Variants in XKR3 observed in about 807,000 individuals in gnomAD.
XKR3 encodes the protein XK-related protein 3.
XKR3 carries 27 observed loss-of-function variants against 40.3 expected under a neutral mutation model. The ratio of observed to expected loss-of-function variants is 0.67; its 90% CI spans 0.49 to 0.92. The LOEUF is 0.92. Ranked by LOEUF, XKR3 falls within the 40% of genes least tolerant of loss-of-function variation. The pLI is 0.00. For synonymous variants in XKR3, 193 were observed against 195.4 expected (o/e 0.99, Z 0.10); for missense variants, 472 against 537.6 (o/e 0.88, Z 1.21).
chr22:16,824,973 T>A (rs977459969), intron 1 of XKR3, among the ~76,000 whole-genome samples: 5 of 152,240 alleles, frequency 3.3e-5, no homozygotes, highest in African/African-American at 9.6e-5. Context: ...CATCACTGCA[T>A]CTGAATAACA....
chr22:16,823,555 A>T (rs1375396436), intron 1 of XKR3, among the ~76,000 whole-genome samples: 1 of 152,222 alleles, frequency 6.6e-6, no homozygotes, highest in Non-Finnish European at 1.5e-5. Context: ...TAAACACCTT[A>T]CTTTTGATCT....
At position 16,783,766 on chromosome 22, in the gene XKR3, T is replaced by A; in HGVS notation, c.1233A>T (p.Gly411=). The change falls in exon 4 of 4, where the codon GGA becomes GGT. Residue 411 remains glycine, a synonymous_variant. Coordinates refer to ENST00000684488, the MANE Select transcript of XKR3 (RefSeq NM_001386955.1). ...GTGCTTCTGGCTGATTTTCAGTACG[T>A]CCTGGCAACACTTTGCCTGACTGCC... is the stretch of plus-strand genomic sequence containing the variant. ...YPWQSGKVLP[G]RTENQPEAPY... 6.2e-7 allele frequency: 1 copy of A among 1,614,206 alleles called. No homozygotes were observed. The highest frequency in any genetic ancestry group is 1.1e-5 in the South Asian group (1 of 91,084).
At chr22:16,793,443 A>G (rs1384227700) in intron 3 of XKR3, among the ~76,000 whole-genome samples, 8 of 152,266 alleles carry the variant, frequency 5.3e-5, no homozygotes, top group Non-Finnish European at 7.3e-5. Context: ...ATTCCAGTAC[A>G]CGGGTTAAGA....
At chr22:16,786,586 G>A (rs1199758269) in intron 3 of XKR3, among the ~76,000 whole-genome samples, 1 of 152,312 alleles carries the variant, frequency 6.6e-6, no homozygotes, top group East Asian at 1.9e-4. Context: ...AGTGCATCCA[G>A]TGCTCTACTG....
chr22:16,784,254 G>A lies in XKR3; in HGVS notation c.745C>T (p.Arg249Cys), dbSNP rs1430750371. 3 of 1,614,098 alleles carry A rather than the reference G, an allele frequency of 1.9e-6. No individual in the cohort carries two copies. The highest frequency in any genetic ancestry group is 8.5e-7 in the Non-Finnish European group (1 of 1,180,022). ...ATGAAAAATGCCAGAGTCACTACAC[G>A]TGAGATAACCTCCAAAAAACGCCAC... Reference protein sequence around the residue: ...VMWRFLEVISRVVTLAFFIAS... With the variant: ...VMWRFLEVISCVVTLAFFIAS... Residue 249 changes from arginine to cysteine, a missense_variant, in exon 4 of 4, where the codon CGT becomes TGT. Transcript: ENST00000684488.
At chr22:16,806,792 T>A (rs566304146) in intron 2 of XKR3, among the ~76,000 whole-genome samples, 102 of 152,088 alleles carry the variant, frequency 6.7e-4, no homozygotes, top group African/African-American at 2.3e-3. Flanking sequence ...AAAAGTAAAA[T>A]GAAAATATAC....
chr22:16,791,740 GGAGA>G (rs148780863), intron 3 of XKR3, among the ~76,000 whole-genome samples: 2 of 128,788 alleles, frequency 1.6e-5, no homozygotes, highest in African/African-American at 3.0e-5. Flanking sequence ...GGAGAAAGAG[GGAGA>G]GAGAGGGAGA....
intron 3 of XKR3, among the ~76,000 whole-genome samples, chr22:16,784,956 A>G (rs2073517442): frequency 6.6e-6 from 1 of 152,224 alleles, no homozygotes; most frequent in Non-Finnish European, 1.5e-5. Flanking sequence ...TGGAGCTGAC[A>G]GATTCTGCTG....
chr22:16,816,521 A>C (rs1318989385), intron 1 of XKR3, among the ~76,000 whole-genome samples: 1 of 151,774 alleles, frequency 6.6e-6, no homozygotes, highest in Non-Finnish European at 1.5e-5. Context: ...ACAAAAAAAA[A>C]CCCACACAAA....
At chr22:16,802,022 G>A (rs1342292987) in intron 2 of XKR3, among the ~76,000 whole-genome samples, 3 of 152,070 alleles carry the variant, frequency 2.0e-5, no homozygotes, top group Non-Finnish European at 4.4e-5. Flanking sequence ...TAAACAAACA[G>A]AATATTTTCA....
intron 2 of XKR3, among the ~76,000 whole-genome samples, chr22:16,800,565 G>A (rs1440265947): frequency 6.6e-6 from 1 of 152,068 alleles, no homozygotes. Context: ...AGCTCATTTA[G>A]CATTATTTTA....
At chr22:16,802,168 T>A (rs116926573) in intron 2 of XKR3, among the ~76,000 whole-genome samples, 8 of 152,290 alleles carry the variant, frequency 5.3e-5, no homozygotes, top group South Asian at 2.1e-4. Flanking sequence ...GTATGATAAA[T>A]TAAATAGAAA....
chr22:16,796,245 C>T (rs1463586985), intron 3 of XKR3, among the ~76,000 whole-genome samples: 2 of 152,204 alleles, frequency 1.3e-5, no homozygotes, highest in Middle Eastern at 3.4e-3. Flanking sequence ...ATCCCTGGAG[C>T]AGATGAATTC....
rs761652078 is a variant in XKR3, at chr22:16,784,361, C to A, written c.638G>T (p.Arg213Leu). The A allele has an allele frequency of 1.2e-6, 2 of 1,612,202 alleles. No individual in the cohort carries two copies. The highest frequency in any genetic ancestry group is 1.7e-6 in the Non-Finnish European group (2 of 1,179,446). ...SLLSVTYGAIRCNILAIQISN... is the reference protein window; with the variant it reads ...SLLSVTYGAILCNILAIQISN... ...GATCTGGATGGCCAGTATATTGCAG[C>A]GAATGGCCCCATAAGTAACTGATAA... Residue 213 changes from arginine to leucine, a missense_variant, in exon 4 of 4, where the codon CGC becomes CTC. Arg to Leu is a moderately radical substitution (Grantham distance 102). Transcript: ENST00000684488.
intron 3 of XKR3, among the ~76,000 whole-genome samples, chr22:16,798,313 AC>A (rs1229798488): frequency 6.6e-6 from 1 of 152,192 alleles, no homozygotes; most frequent in Non-Finnish European, 1.5e-5. Flanking sequence ...AATGTCAGAA[AC>A]CAACACATGT....
chr22:16,784,350 G>T lies in XKR3; in HGVS notation c.649C>A (p.Leu217Met). Reference protein sequence around the residue: ...VTYGAIRCNILAIQISNDDTT... With the variant: ...VTYGAIRCNIMAIQISNDDTT... The stretch of plus-strand genomic sequence containing the variant: ...TCATCATTGCTGATCTGGATGGCCA[G>T]TATATTGCAGCGAATGGCCCCATAA... The change falls in exon 4 of 4, where the codon CTG becomes ATG. Residue 217 changes from leucine to methionine, a missense_variant. Coordinates refer to ENST00000684488, the MANE Select transcript of XKR3 (RefSeq NM_001386955.1). 1 of 1,613,596 alleles carries T rather than the reference G, an allele frequency of 6.2e-7. No individual in the cohort carries two copies. Among genetic ancestry groups the T allele is most frequent in the Non-Finnish European group, 8.5e-7 (1 of 1,179,842 alleles).
intron 1 of XKR3, among the ~76,000 whole-genome samples, chr22:16,820,010 C>T (rs1181327766): frequency 6.6e-6 from 1 of 152,140 alleles, no homozygotes; most frequent in African/African-American, 2.4e-5. Context: ...AAAACACCTA[C>T]AATTTTAACA....
intron 3 of XKR3, among the ~76,000 whole-genome samples, chr22:16,788,213 A>C (rs2060099238): frequency 6.6e-6 from 1 of 152,190 alleles, no homozygotes; most frequent in Admixed American, 6.5e-5. Context: ...CAATGAAGAC[A>C]TTACACAGAA....
At chr22:16,790,667 A>G (rs2060111816) in intron 3 of XKR3, among the ~76,000 whole-genome samples, 1 of 152,214 alleles carries the variant, frequency 6.6e-6, no homozygotes, top group Admixed American at 6.5e-5. Context: ...AAGTTTACTT[A>G]TATAACAAAC....
Sources: gnomAD v4.1 joint callset for allele counts (sites outside exome capture counted in the v4.1 genomes callset) on GRCh38, gnomAD v4.1.1 for gene constraint, MANE v1.5 for transcripts, NCBI Gene and HGNC (gene_info 2026-07-23, HGNC 2026-07-21) for gene names.